HDAC9: variants seen among roughly 807,000 people sequenced by gnomAD.
The protein encoded by HDAC9 is MEF-2 interacting transcription repressor (MITR) protein.
In HDAC9, 41 loss-of-function variants were observed where a neutral mutation model predicts 139.4. The ratio of observed to expected loss-of-function variants is 0.29; its 90% CI spans 0.23 to 0.38. The LOEUF is 0.38. Among genes scored for constraint, HDAC9 ranks in the 10% least tolerant of loss-of-function variants. The probability of loss-of-function intolerance (pLI) is 1.00; values close to 1 mark genes in which losing one functional copy is unlikely to be tolerated. For missense variants in HDAC9, 1,147 were observed against 1,297.0 expected, an observed-to-expected ratio of 0.88 and a Z score of 1.78; for synonymous variants, 517 against 476.2, an observed-to-expected ratio of 1.09 and a Z score of -1.12.
At chr7:18,690,099 T>A (rs968608084) in intron 12 of HDAC9, among the ~76,000 whole-genome samples, 2 of 151,956 alleles carry the variant, frequency 1.3e-5, no homozygotes, top group Admixed American at 1.3e-4. Flanking sequence ...TCCCACTGGT[T>A]CATTTCCAGA....
At chr7:18,609,470 C>T (rs1257233121) in intron 6 of HDAC9, among the ~76,000 whole-genome samples, 3 of 152,206 alleles carry the variant, frequency 2.0e-5, no homozygotes, top group South Asian at 2.1e-4. Flanking sequence ...ATGGTGAAAC[C>T]GTTTCGGTGT....
At chr7:18,780,557 C>T (rs1168716318) in intron 16 of HDAC9, among the ~76,000 whole-genome samples, 1 of 151,936 alleles carries the variant, frequency 6.6e-6, no homozygotes, top group Non-Finnish European at 1.5e-5. Flanking sequence ...AGGAAGCACC[C>T]AATGCTGGCA....
At chr7:18,346,140 G>A (rs1015902174) in intron 1 of HDAC9, among the ~76,000 whole-genome samples, 2 of 151,944 alleles carry the variant, frequency 1.3e-5, no homozygotes, top group African/African-American at 4.8e-5. Context: ...GAAAAGTTAT[G>A]TTATGGCCCA....
intron 9 of HDAC9, among the ~76,000 whole-genome samples, chr7:18,646,979 T>C (rs767039219): frequency 2.6e-4 from 39 of 152,266 alleles, no homozygotes; most frequent in Non-Finnish European, 4.3e-4. Context: ...TTTCTGCATA[T>C]TTTTACCTCC....
intron 1 of HDAC9, among the ~76,000 whole-genome samples, chr7:18,323,397 A>G (rs925205004): frequency 6.6e-6 from 1 of 152,100 alleles, no homozygotes; most frequent in Non-Finnish European, 1.5e-5. Flanking sequence ...ACTATTCTCA[A>G]CACTTTAGTG....
At chr7:18,532,820 T>C (rs1296630415) in intron 2 of HDAC9, among the ~76,000 whole-genome samples, 1 of 115,566 alleles carries the variant, frequency 8.7e-6, no homozygotes, top group Non-Finnish European at 1.8e-5. Context: ...GGCTTTCTTC[T>C]GTTTTTTTTT....
intron 2 of HDAC9, among the ~76,000 whole-genome samples, chr7:18,233,250 A>C (rs1300833008): frequency 6.6e-6 from 1 of 151,864 alleles, no homozygotes; most frequent in East Asian, 1.9e-4. Flanking sequence ...TTTTAATGAG[A>C]TTTTTCTGCT....
At chr7:18,541,274 G>C (rs2058947347) in intron 2 of HDAC9, among the ~76,000 whole-genome samples, 1 of 150,814 alleles carries the variant, frequency 6.6e-6, no homozygotes, top group South Asian at 2.1e-4. Flanking sequence ...GCATGGATGG[G>C]TGCCTTTTGC....
At position 18,293,548 on chromosome 7, in the gene HDAC9, C is replaced by G. The variant is rs573929700; in HGVS notation, c.-42+3033C>G. ...GAGAAAGCAGAGCAGCTCTTTAGTA[C>G]TGGCCACTGCAAACCATCTTCCAGA... On this transcript the variant is annotated intron_variant, in intron 1 of 3. Coordinates refer to the HDAC9 transcript ENST00000413509. Among the ~76,000 whole-genome samples, 11 of 152,216 alleles carry G rather than the reference C, an allele frequency of 7.2e-5. No homozygotes were observed. In the South Asian group the frequency reaches 2.3e-3, roughly 32 times the overall value.
chr7:18,752,278 G>A (rs944606537), intron 14 of HDAC9, among the ~76,000 whole-genome samples: 2 of 152,042 alleles, frequency 1.3e-5, no homozygotes, highest in Admixed American at 1.3e-4. Flanking sequence ...AGCGCAAGAA[G>A]GGTCCTACCC....
intron 21 of HDAC9, among the ~76,000 whole-genome samples, chr7:18,857,927 A>G (rs1237911721): frequency 5.9e-5 from 9 of 152,166 alleles, no homozygotes; most frequent in African/African-American, 2.2e-4. Flanking sequence ...AAAACAAGCT[A>G]ATTTTTTAAA....
At chr7:18,747,209 G>A (rs1453845848) in intron 13 of HDAC9, among the ~76,000 whole-genome samples, 1 of 152,172 alleles carries the variant, frequency 6.6e-6, no homozygotes, top group African/African-American at 2.4e-5. Context: ...CTGGCCTGGA[G>A]GAATTTCAGT....
chr7:18,805,054 C>T (rs1436522151), intron 17 of HDAC9, among the ~76,000 whole-genome samples: 1 of 152,202 alleles, frequency 6.6e-6, no homozygotes, highest in Non-Finnish European at 1.5e-5. Context: ...GCCTCGGCCT[C>T]CCGAAGTGCT....
intron 12 of HDAC9, among the ~76,000 whole-genome samples, chr7:18,706,017 A>G (rs1783879889): frequency 6.6e-6 from 1 of 152,022 alleles, no homozygotes; most frequent in African/African-American, 2.4e-5. Flanking sequence ...GTGTCCTAGG[A>G]GACCTAGATA....
At position 18,697,327 on chromosome 7, in the gene HDAC9, G is replaced by A. The variant is rs571401781; in HGVS notation, c.1732-30253G>A. On this transcript the variant is annotated intron_variant, in intron 12 of 25. Transcript: ENST00000686413. ...TCTTCCTTTTATTTTTTTTAAATCA[G>A]GAATGCATGATCTTTGTAGAAAATT... 2.0e-5 allele frequency among the ~76,000 whole-genome samples: 3 copies of A among 152,056 alleles called. No individual in the cohort carries two copies. The South Asian group carries it at 6.2e-4, about 32-fold the overall frequency.
At chr7:18,590,536 G>C (rs1009358809) in intron 4 of HDAC9, 50 bp downstream of exon 4, 9 of 1,533,344 alleles carry the variant, frequency 5.9e-6, no homozygotes, top group Non-Finnish European at 7.1e-6. Context: ...ATCGTTAGCT[G>C]ATCATTATTC....
intron 2 of HDAC9, among the ~76,000 whole-genome samples, chr7:18,583,337 G>A (rs896791005): frequency 1.3e-5 from 2 of 152,172 alleles, no homozygotes. Flanking sequence ...ACACATGAAA[G>A]AGTCAAATAA....
chr7:18,497,565 A>G (rs1195811787), intron 2 of HDAC9, among the ~76,000 whole-genome samples: 1 of 152,204 alleles, frequency 6.6e-6, no homozygotes, highest in Non-Finnish European at 1.5e-5. Flanking sequence ...GACAGGAATT[A>G]TGTTAATGAA....
At chr7:18,498,699 C>A (rs1290692744) in intron 2 of HDAC9, among the ~76,000 whole-genome samples, 1 of 152,000 alleles carries the variant, frequency 6.6e-6, no homozygotes, top group African/African-American at 2.4e-5. Context: ...TGTATTCTAG[C>A]ATGAGCTCCA....
Sources: allele counts gnomAD v4.1 joint callset (sites outside exome capture counted in the v4.1 genomes callset), GRCh38; gene constraint gnomAD v4.1.1; transcripts MANE v1.5; gene names NCBI Gene and HGNC (gene_info 2026-07-23, HGNC 2026-07-21).